The following BTBD10 variants were observed in gnomAD, a reference collection of about 807,000 sequenced individuals.
The protein encoded by BTBD10 is BTB/POZ domain-containing protein 10.
A neutral mutation model predicts 53.2 loss-of-function variants in BTBD10; 21 were observed. That is an observed-to-expected ratio of 0.39 (90% CI 0.28 to 0.57). The LOEUF is 0.57. Among genes scored for constraint, BTBD10 ranks in the 20% least tolerant of loss-of-function variants. The probability of loss-of-function intolerance (pLI) is 0.53; values close to 1 mark genes in which losing one functional copy is unlikely to be tolerated. For missense variants in BTBD10, 360 were observed against 594.7 expected (o/e 0.61, Z 4.10); for synonymous variants, 149 against 192.7 (o/e 0.77, Z 1.88).
In BTBD10 at chr11:13,445,092, G is replaced by A. The variant is rs1950728567; in HGVS notation, c.33C>T (p.Asn11=). 1 of 1,613,320 alleles carries A rather than the reference G, an allele frequency of 6.2e-7. No individual in the cohort carries two copies. Among genetic ancestry groups the A allele is most frequent in the Non-Finnish European group, 8.5e-7 (1 of 1,179,470 alleles). MAGRPHPYDG[N]SSDPENWDRK... The stretch of plus-strand genomic sequence containing the variant: ...GATCCCAATTCTCTGGATCACTGGA[G>A]TTACCATCATAGGGATGAGGCCGTC... Residue 11 remains asparagine (N), a synonymous_variant, in exon 2 of 9, where the codon AAC becomes AAT. Transcript: ENST00000278174.
chr11:13,405,486 C>T lies in BTBD10; in HGVS notation c.1006+173G>A, dbSNP rs1031099170. The T allele has an allele frequency of 2.9e-5, 19 of 644,256 alleles. No individual in the cohort carries two copies. The East Asian group carries it at 5.3e-4, about 18-fold the overall frequency. The allele number at this position is 644,256 out of a possible 1,614,324, so 39.9% of individuals were successfully genotyped here. On this transcript the variant is annotated intron_variant, in intron 7 of 8. Coordinates refer to ENST00000278174, the MANE Select transcript of BTBD10 (RefSeq NM_032320.7). Reference sequence around the variant, plus strand: ...TGCAGTTTCTGTTACAACTACTCAACTCTGCCACTGTAGCATGAAAGCAGC... The same window carrying T: ...TGCAGTTTCTGTTACAACTACTCAATTCTGCCACTGTAGCATGAAAGCAGC...
chr11:13,460,851 AT>A (rs1951078981), intron 1 of BTBD10, among the ~76,000 whole-genome samples: 1 of 152,238 alleles, frequency 6.6e-6, no homozygotes, highest in Non-Finnish European at 1.5e-5. Context: ...GGTCTCTTGT[AT>A]TTAATTTTAT....
In BTBD10 at chr11:13,450,772, C is replaced by T. The variant is rs78119052; in HGVS notation, c.-57-5591G>A. On this transcript the variant is annotated intron_variant, in intron 1 of 8. Transcript: ENST00000278174. ...ATCAGACAGACGGAAAGAAACTTCT[C>T]GCAAACACAGCCAGGTGAAGTGATC... Among the ~76,000 whole-genome samples the T allele has an allele frequency of 6.5e-3, 990 of 152,248 alleles. 67 individuals carry two copies. In the East Asian group the frequency reaches 0.16, roughly 24 times the overall value.
chr11:13,418,544 CA>C (rs1220113102), intron 4 of BTBD10, among the ~76,000 whole-genome samples: 1 of 151,824 alleles, frequency 6.6e-6, no homozygotes, highest in South Asian at 2.1e-4. Context: ...ACTAAAAATA[CA>C]AAAAAGCCTA....
At position 13,419,576 on chromosome 11, in the gene BTBD10, T is replaced by C. The variant is rs1950198284; in HGVS notation, c.468A>G (p.Ala156=). The change falls in exon 4 of 9, where the codon GCA becomes GCG. Residue 156 remains alanine, a synonymous_variant. Transcript: ENST00000278174. The stretch of plus-strand genomic sequence containing the variant: ...TTCTTATATTCCGAGCTCCTTCTTT[T>C]GCATTTTCATATACAAACACCATCT... The part of the protein sequence containing the change: ...AGEMVFVYEN[A]KEGARNIRTS... 2 of 1,614,148 alleles carry C rather than the reference T, an allele frequency of 1.2e-6. No homozygotes were observed. The highest frequency in any genetic ancestry group is 4.5e-5 in the East Asian group (2 of 44,878).
At chr11:13,401,775 A>G (rs1402915791) in intron 8 of BTBD10, among the ~76,000 whole-genome samples, 1 of 152,166 alleles carries the variant, frequency 6.6e-6, no homozygotes, top group Admixed American at 6.6e-5. Context: ...CTTGGCCAGT[A>G]TACTCCTTAT....
intron 2 of BTBD10, among the ~76,000 whole-genome samples, chr11:13,424,292 T>C (rs1197820603): frequency 6.6e-6 from 1 of 152,158 alleles, no homozygotes; most frequent in Admixed American, 6.5e-5. Context: ...GACTGAGTAA[T>C]TAAAAAAGCG....
At chr11:13,457,930 C>G (rs1399761616) in intron 1 of BTBD10, among the ~76,000 whole-genome samples, 1 of 152,010 alleles carries the variant, frequency 6.6e-6, no homozygotes, top group African/African-American at 2.4e-5. Flanking sequence ...CTTTTACAGT[C>G]AGAAAGAAAT....
chr11:13,447,629 T>G (rs1002033276), intron 1 of BTBD10, among the ~76,000 whole-genome samples: 1 of 152,190 alleles, frequency 6.6e-6, no homozygotes, highest in African/African-American at 2.4e-5. Flanking sequence ...GAAATTCCCA[T>G]GTGTTTTCCT....
chr11:13,413,306 G>T (rs1409924195), intron 6 of BTBD10, among the ~76,000 whole-genome samples: 1 of 152,020 alleles, frequency 6.6e-6, no homozygotes, highest in Non-Finnish European at 1.5e-5. Context: ...ATCTGGGTTT[G>T]TCAAAAAAGA....
chr11:13,455,416 CATTT>C (rs1950943932), intron 1 of BTBD10, among the ~76,000 whole-genome samples: 1 of 152,086 alleles, frequency 6.6e-6, no homozygotes, highest in Non-Finnish European at 1.5e-5. Context: ...AAGTGTTATT[CATTT>C]GTTTCTTTCC....
chr11:13,421,506 A>G, intron 3 of BTBD10, 136 bp downstream of exon 3: 1 of 701,310 alleles, frequency 1.4e-6, no homozygotes, highest in African/African-American at 1.8e-5. Context: ...ACCAAGCTCA[A>G]CTAAAACAGA....
chr11:13,397,444 T>C (rs1248562495), intron 8 of BTBD10, among the ~76,000 whole-genome samples: 7 of 152,234 alleles, frequency 4.6e-5, no homozygotes, highest in Non-Finnish European at 7.3e-5. Context: ...TCTTCTTTGT[T>C]TGTCTTGCTA....
At chr11:13,444,483 G>T (rs1398113110) in intron 2 of BTBD10, among the ~76,000 whole-genome samples, 1 of 152,068 alleles carries the variant, frequency 6.6e-6, no homozygotes, top group Non-Finnish European at 1.5e-5. Flanking sequence ...AAAAATAATA[G>T]ATAGATGGCC....
chr11:13,435,435 C>T (rs933942713), intron 2 of BTBD10, among the ~76,000 whole-genome samples: 4 of 152,056 alleles, frequency 2.6e-5, no homozygotes, highest in Non-Finnish European at 5.9e-5. Context: ...ATATGAAGTA[C>T]AAATACAAGA....
intron 2 of BTBD10, among the ~76,000 whole-genome samples, chr11:13,439,643 A>T (rs1591158364): frequency 6.6e-6 from 1 of 152,264 alleles, no homozygotes; most frequent in East Asian, 1.9e-4. Flanking sequence ...AACACAATGC[A>T]TTCTCAAGTT....
chr11:13,419,866 C>G, intron 3 of BTBD10, 121 bp from the exon 4 acceptor site: 1 of 1,035,722 alleles, frequency 9.7e-7, no homozygotes, highest in East Asian at 2.8e-5. Flanking sequence ...TTCTACTTTT[C>G]AATTTCAAAT....
At chr11:13,397,342 G>A (rs1054101077) in intron 8 of BTBD10, among the ~76,000 whole-genome samples, 2 of 152,180 alleles carry the variant, frequency 1.3e-5, no homozygotes, top group East Asian at 3.8e-4. Flanking sequence ...GGTGTTTATA[G>A]TATTCTCTGA....
intron 1 of BTBD10, among the ~76,000 whole-genome samples, chr11:13,461,826 T>C (rs774456981): frequency 4.6e-5 from 7 of 152,196 alleles, no homozygotes; most frequent in Non-Finnish European, 8.8e-5. Flanking sequence ...ACTTCCTTCC[T>C]ACTTTGTATG....
Sources: allele counts gnomAD v4.1 joint callset (sites outside exome capture counted in the v4.1 genomes callset), GRCh38; gene constraint gnomAD v4.1.1; transcripts MANE v1.5; gene names NCBI Gene and HGNC (gene_info 2026-07-23, HGNC 2026-07-21).